RBFOX1: variants seen among roughly 807,000 people sequenced by gnomAD.
RBFOX1 encodes the protein RNA binding protein fox-1 homolog 1.
RBFOX1 carries 8 observed loss-of-function variants against 57.7 expected under a neutral mutation model. The observed-to-expected ratio is 0.14, with a 90% CI of 0.08 to 0.25. RBFOX1 has a LOEUF of 0.25. Ranked by LOEUF, RBFOX1 falls within the 10% of genes least tolerant of loss-of-function variation. The pLI is 1.00. For synonymous variants in RBFOX1, 326 were observed against 222.4 expected (o/e 1.47, Z -4.15); for missense variants, 611 against 548.5 (o/e 1.11, Z -1.14).
chr16:7,621,870 C>A (rs1236880378), intron 10 of RBFOX1, among the ~76,000 whole-genome samples: 1 of 152,186 alleles, frequency 6.6e-6, no homozygotes, highest in East Asian at 1.9e-4. Flanking sequence ...CATAAGGTCT[C>A]TGTGCAATTA....
intron 2 of RBFOX1, chr16:5,598,755 C>T: frequency 1.5e-6 from 1 of 647,218 alleles, no homozygotes; most frequent in Non-Finnish European, 2.6e-6. Flanking sequence ...TTGACCCCTG[C>T]AGGGGATGGG....
intron 1 of RBFOX1, among the ~76,000 whole-genome samples, chr16:5,389,079 T>C (rs2066333122): frequency 6.6e-6 from 1 of 151,522 alleles, no homozygotes; most frequent in Non-Finnish European, 1.5e-5. Context: ...TAGTCCCAGC[T>C]ACTCGGGAGG....
chr16:7,585,380 G>A (rs971803813), intron 6 of RBFOX1, among the ~76,000 whole-genome samples: 1 of 152,216 alleles, frequency 6.6e-6, no homozygotes, highest in Non-Finnish European at 1.5e-5. Context: ...TAAGTCCACA[G>A]ATTGCAGGAT....
At chr16:6,864,812 C>G (rs2059622235) in intron 3 of RBFOX1, among the ~76,000 whole-genome samples, 1 of 151,812 alleles carries the variant, frequency 6.6e-6, no homozygotes, top group Non-Finnish European at 1.5e-5. Context: ...GAGACATATG[C>G]TACTTGGGTA....
At chr16:6,642,864 A>G (rs1189896812) in intron 2 of RBFOX1, among the ~76,000 whole-genome samples, 1 of 152,040 alleles carries the variant, frequency 6.6e-6, no homozygotes, top group East Asian at 1.9e-4. Flanking sequence ...CCTGCAACCT[A>G]CCCAACTAAG....
At chr16:6,792,244 G>C (rs2083114022) in intron 3 of RBFOX1, among the ~76,000 whole-genome samples, 1 of 152,156 alleles carries the variant, frequency 6.6e-6, no homozygotes, top group East Asian at 1.9e-4. Context: ...AATTATAGGT[G>C]ATATTTAGAT....
intron 3 of RBFOX1, among the ~76,000 whole-genome samples, chr16:6,807,437 T>C (rs1224999702): frequency 2.0e-5 from 3 of 152,034 alleles, no homozygotes; most frequent in Non-Finnish European, 4.4e-5. Flanking sequence ...GGATGGGAAA[T>C]GCTGGAGGAA....
chr16:6,579,324 C>G (rs1264314550), intron 2 of RBFOX1, among the ~76,000 whole-genome samples: 3 of 152,066 alleles, frequency 2.0e-5, no homozygotes, highest in Admixed American at 6.5e-5. Context: ...CCACCTCGGT[C>G]TCTTGAGTAG....
intron 2 of RBFOX1, among the ~76,000 whole-genome samples, chr16:6,585,158 C>G (rs2097589819): frequency 1.3e-5 from 2 of 152,102 alleles, no homozygotes; most frequent in South Asian, 4.2e-4. Flanking sequence ...AAAATTATTC[C>G]AAGGCAGTGC....
intron 2 of RBFOX1, among the ~76,000 whole-genome samples, chr16:6,504,141 A>G (rs1370086070): frequency 2.0e-5 from 3 of 152,186 alleles, no homozygotes; most frequent in Admixed American, 6.5e-5. Flanking sequence ...ATATACCTCT[A>G]GTGACAAAGA....
chr16:6,578,657 G>C (rs1256574389), intron 2 of RBFOX1, among the ~76,000 whole-genome samples: 1 of 130,970 alleles, frequency 7.6e-6, no homozygotes, highest in African/African-American at 2.5e-5. Flanking sequence ...CAAAAATATA[G>C]AGAAGGAGAG....
intron 4 of RBFOX1, among the ~76,000 whole-genome samples, chr16:7,114,240 TTGTG>T (rs1339239901): frequency 6.6e-6 from 1 of 152,144 alleles, no homozygotes. Context: ...AGGAAAGTGA[TTGTG>T]TGTGCACATG....
chr16:6,549,890 C>T (rs190995125), intron 2 of RBFOX1, among the ~76,000 whole-genome samples: 1 of 152,136 alleles, frequency 6.6e-6, no homozygotes, highest in African/African-American at 2.4e-5. Context: ...TGGACCCTTA[C>T]GTACTTTGAC....
downstream of RBFOX1, among the ~76,000 whole-genome samples, chr16:5,602,172 C>G (rs907670669): frequency 9.9e-5 from 15 of 152,212 alleles, no homozygotes; most frequent in Non-Finnish European, 2.1e-4. Flanking sequence ...TAGAAGCAGT[C>G]ATTTTGACGA....
chr16:7,627,681 A>T (rs573209495), intron 10 of RBFOX1, among the ~76,000 whole-genome samples: 1 of 152,244 alleles, frequency 6.6e-6, no homozygotes, highest in African/African-American at 2.4e-5. Context: ...TTTTTAAAAC[A>T]AACACACTTA....
At chr16:6,417,821 T>A (rs2093667612) in intron 2 of RBFOX1, among the ~76,000 whole-genome samples, 2 of 152,208 alleles carry the variant, frequency 1.3e-5, no homozygotes, top group Middle Eastern at 3.4e-3. Context: ...ATATTAATCC[T>A]AGTATCCGTT....
intron 4 of RBFOX1, among the ~76,000 whole-genome samples, chr16:7,162,962 T>C (rs1008804505): frequency 2.0e-5 from 3 of 152,162 alleles, no homozygotes; most frequent in African/African-American, 7.2e-5. Flanking sequence ...CTAATGACCT[T>C]GGGCCAGTCA....
Position 6,144,455 on chromosome 16 carries a change from C to G in RBFOX1, c.-127+124463C>G, listed in dbSNP as rs77527661. Among the ~76,000 whole-genome samples, 637 of 152,282 alleles carry G rather than the reference C, an allele frequency of 4.2e-3. 6 individuals carry two copies. The highest frequency in any genetic ancestry group is 0.015 in the African/African-American group (619 of 41,568). ...AAGCATAATGAAAACCTCATTCAGTCTTCTGTCAGGCTTTGGAGCTATAAG... is the reference window on the plus strand; with the variant it reads ...AAGCATAATGAAAACCTCATTCAGTGTTCTGTCAGGCTTTGGAGCTATAAG... On this transcript the variant is annotated intron_variant, in intron 1 of 15. Coordinates refer to ENST00000550418, the MANE Select transcript of RBFOX1 (RefSeq NM_018723.4).
At chr16:6,776,100 G>GA (rs1207037680) in intron 3 of RBFOX1, 1 of 152,290 alleles carries the variant, frequency 6.6e-6, no homozygotes, top group Non-Finnish European at 1.5e-5. Context: ...GAGAGAGGAA[G>GA]AAAAAAGAAG....
Sources: gnomAD v4.1 joint callset for allele counts (sites outside exome capture counted in the v4.1 genomes callset) on GRCh38, gnomAD v4.1.1 for gene constraint, MANE v1.5 for transcripts, NCBI Gene and HGNC (gene_info 2026-07-23, HGNC 2026-07-21) for gene names.